The following CROCC variants were observed in gnomAD, a reference collection of about 807,000 sequenced individuals.
CROCC encodes the protein ciliary rootlet coiled-coil, rootletin.
Under a neutral mutation model 245.2 loss-of-function variants are expected in CROCC, and 180 were observed. That is an observed-to-expected ratio of 0.73 (90% CI 0.65 to 0.83). The LOEUF (loss-of-function observed/expected upper bound fraction) is 0.83, where lower values mean the gene tolerates loss of function less well. Ranked by LOEUF, CROCC falls within the 40% of genes least tolerant of loss-of-function variation. The pLI is 0.00. For missense variants in CROCC, 2,688 were observed against 2,779.4 expected (o/e 0.97, Z 0.74); for synonymous variants, 1,205 against 1,241.6 (o/e 0.97, Z 0.62).
At chr1:16,962,534 CAAAAAA>C (rs1197806001) in intron 27 of CROCC, among the ~76,000 whole-genome samples, 1 of 21,882 alleles carries the variant, frequency 4.6e-5, no homozygotes, top group Non-Finnish European at 8.1e-5. Flanking sequence ...GACTCCGTCT[CAAAAAA>C]AAAAAAAAAA....
intron 27 of CROCC, among the ~76,000 whole-genome samples, chr1:16,962,527 T>G (rs1334012696): frequency 1.9e-5 from 2 of 105,654 alleles, no homozygotes; most frequent in Non-Finnish European, 1.8e-5. Flanking sequence ...AGAGCTAGAC[T>G]CCGTCTCAAA....
intron 20 of CROCC, chr1:16,951,835 C>T (rs1274963683): frequency 6.3e-6 from 1 of 157,688 alleles, no homozygotes; most frequent in Admixed American, 6.3e-5. Context: ...GTACCCCTGG[C>T]CTTGGGTGGT....
At position 16,946,986 on chromosome 1, in the gene CROCC, G is replaced by T. The variant is rs927469491; in HGVS notation, c.2509G>T (p.Ala837Ser). Residue 837 changes from alanine to serine, a missense_variant, in exon 17 of 37, where the codon GCG becomes TCG. By Grantham distance (99) the Ala-to-Ser change is moderately conservative. Around this residue, in one of 9 missense-constraint regions of CROCC, gnomAD observed 295 missense variants for 241.7 expected, o/e 1.22. Transcript: ENST00000375541. ...HERSQLQEQL[A>S]QLSRQLSGRE... ...GCGCAGCCAGCTGCAGGAGCAGCTA[G>T]CGCAGGTGGGCAAAGCTGTGTGTGG... is the stretch of plus-strand genomic sequence containing the variant. 6.4e-7 allele frequency: 1 copy of T among 1,550,676 alleles called. No homozygotes were observed.
chr1:16,961,205 G>GTGTTTT lies in CROCC; in HGVS notation c.4405+95_4405+100dup, dbSNP rs995157335. The GTGTTTT allele has an allele frequency of 6.3e-5, 78 of 1,232,792 alleles. No homozygotes were observed. The East Asian group carries it at 7.7e-4, about 12-fold the overall frequency. The allele number at this position is 1,232,792 out of a possible 1,614,324, so 76.4% of individuals were successfully genotyped here. A position where few individuals can be genotyped will look rare whatever the true frequency, so the allele number is the denominator to read the frequency against. On this transcript the variant is annotated intron_variant, in intron 27 of 36. Transcript: ENST00000375541. ...TGAGGCCCCGCCCCCACATGGCAGG[G>GTGTTTT]TGTTTTTGTTTTTGTTTTTGTTTTT...
rs529505433 is a variant in CROCC at position 16,937,815 on chromosome 1, G to A, written c.1290+78G>A. The A allele has an allele frequency of 4.7e-6, 6 of 1,287,688 alleles. No homozygotes were observed. In the South Asian group the frequency reaches 6.3e-5, roughly 14 times the overall value. 79.8% of individuals were successfully genotyped at this position (1,287,688 alleles called of 1,614,324 possible). Reference sequence around the variant, plus strand: ...GATCCATGGACGCAGGCTTAGGGCTGGGCTGCCTGGGTCACCCCCAGCGTC... The same window carrying A: ...GATCCATGGACGCAGGCTTAGGGCTAGGCTGCCTGGGTCACCCCCAGCGTC... On this transcript the variant is annotated intron_variant, in intron 10 of 36. Coordinates refer to ENST00000375541, the MANE Select transcript of CROCC (RefSeq NM_014675.5).
chr1:16,966,717 A>G lies in CROCC; in HGVS notation c.4860+146A>G, dbSNP rs1304268607. ...GACCAGCCTGTGACTCTGTGAAACCATGTTCAGACTCCATCCTCTCATGTC... is the reference window on the plus strand; with the variant it reads ...GACCAGCCTGTGACTCTGTGAAACCGTGTTCAGACTCCATCCTCTCATGTC... On this transcript the variant is annotated intron_variant, in intron 30 of 36. Coordinates refer to ENST00000375541, the MANE Select transcript of CROCC (RefSeq NM_014675.5). This position sits in a 1 kb window ranked among gnomAD's most constrained non-coding sequence, Gnocchi z 4.8. The G allele has an allele frequency of 4.3e-6, 4 of 934,032 alleles. No homozygotes were observed. The highest frequency in any genetic ancestry group is 2.1e-5 in the South Asian group (1 of 46,920). 57.9% of individuals were successfully genotyped at this position (934,032 alleles called of 1,614,324 possible).
At chr1:16,962,257 G>A (rs940251144) in intron 27 of CROCC, among the ~76,000 whole-genome samples, 1 of 151,540 alleles carries the variant, frequency 6.6e-6, no homozygotes, top group African/African-American at 2.4e-5. Context: ...TAGAGACGGG[G>A]TTTCAAGGCT....
chr1:16,936,524 C>G, intron 8 of CROCC, 113 bp from the exon 9 acceptor site: 1 of 1,136,920 alleles, frequency 8.8e-7, no homozygotes. Flanking sequence ...CCGCCTTGGC[C>G]TCCTGAAGTG....
rs1337183345 is a variant in CROCC, at chr1:16,958,696, C to T, written c.3978C>T (p.Gly1326=). Residue 1326 remains glycine, a synonymous_variant, in exon 26 of 37, where the codon GGC becomes GGT. Coordinates refer to ENST00000375541, the MANE Select transcript of CROCC (RefSeq NM_014675.5). ...AEKESRRETL[G]LRQRLLKGEA... ...AGGAGAGCAGGCGGGAGACCCTGGG[C>T]CTCCGGCAGAGGCTGCTGAAGGGCG... 1.3e-6 allele frequency: 2 copies of T among 1,559,656 alleles called. No homozygotes were observed. The highest frequency in any genetic ancestry group is 3.9e-5 in the Admixed American group (2 of 51,878).
At chr1:16,918,773 G>A (rs1201846264), upstream of CROCC, among the ~76,000 whole-genome samples, 1 of 139,666 alleles carries the variant, frequency 7.2e-6, no homozygotes, top group African/African-American at 2.7e-5. Context: ...GTCTCTCTCT[G>A]TCACCCAGGC....
chr1:16,930,678 G>GGA (rs1557586775), intron 7 of CROCC, 84 bp downstream of exon 7: 29 of 1,191,870 alleles, frequency 2.4e-5, no homozygotes, highest in Admixed American at 1.1e-4. Context: ...GCCTGGAGAG[G>GGA]GAGAGGGAGC....
In CROCC at chr1:16,956,149, G is replaced by A. The variant is rs1320777415; in HGVS notation, c.3857G>A (p.Arg1286Gln). The A allele has an allele frequency of 5.8e-6, 9 of 1,542,568 alleles. No individual in the cohort carries two copies. Among genetic ancestry groups the A allele is most frequent in the Non-Finnish European group, 7.9e-6 (9 of 1,142,050 alleles). ...GCTCGGCGGGAGCTGCAGGAGCTCCGGCGTCAGGTACTCTCCCTGTGCCAC... is the reference window on the plus strand; with the variant it reads ...GCTCGGCGGGAGCTGCAGGAGCTCCAGCGTCAGGTACTCTCCCTGTGCCAC... ...LEARRELQEL[R>Q]RQMKMLDSEN... Residue 1286 changes from arginine (R) to glutamine (Q), a missense_variant, in exon 25 of 37, where the codon CGG becomes CAG. This residue lies in a region of CROCC where 1,218 missense variants were observed against 1,286.3 expected (regional missense o/e 0.95). Transcript: ENST00000375541.
At chr1:16,922,435 G>A (rs1328135275) in intron 1 of CROCC, among the ~76,000 whole-genome samples, 7 of 152,274 alleles carry the variant, frequency 4.6e-5, no homozygotes, top group East Asian at 1.9e-4. Flanking sequence ...GGAGTTACCC[G>A]TAGGGTTTGG....
chr1:16,949,202 G>A (rs35953904), intron 19 of CROCC, among the ~76,000 whole-genome samples: 4 of 152,380 alleles, frequency 2.6e-5, no homozygotes, highest in South Asian at 4.1e-4. Context: ...GCCGTGGCAC[G>A]GTGCCTGGCT....
rs768514771 is a variant in CROCC at position 16,969,268 on chromosome 1, C to T, written c.5229C>T (p.Asn1743=). ...TGGCCCAGAGCAGTGCCAGCCTCAA[C>T]AGCACCCGGGACAAGAACCTGCATC... is the stretch of plus-strand genomic sequence containing the variant. ...EALAQSSASL[N]STRDKNLHLQ... The change falls in exon 32 of 37, where the codon AAC becomes AAT. Residue 1743 remains asparagine (N), a synonymous_variant. Transcript: ENST00000375541. 3 of 1,613,256 alleles carry T rather than the reference C, an allele frequency of 1.9e-6. No homozygotes were observed. Among genetic ancestry groups the T allele is most frequent in the African/African-American group, 1.3e-5 (1 of 74,920 alleles).
intron 15 of CROCC, 77 bp from the exon 16 acceptor site, chr1:16,946,182 C>G: frequency 6.7e-7 from 1 of 1,501,894 alleles, no homozygotes; most frequent in Non-Finnish European, 9.0e-7. Context: ...GTCCATCTCT[C>G]TGGGTCTCTT....
chr1:16,918,300 C>CTTTTTTTTTTTTTTTTTT (rs201445636), upstream of CROCC, among the ~76,000 whole-genome samples: 1 of 123,872 alleles, frequency 8.1e-6, no homozygotes. Flanking sequence ...GGAATTCAGT[C>CTTTTTTTTTTTTTTTTTT]TTTTTTTTTT....
intron 17 of CROCC, among the ~76,000 whole-genome samples, 181 bp downstream of exon 17, chr1:16,947,172 T>A (rs181270777): frequency 9.2e-5 from 14 of 152,392 alleles, no homozygotes; most frequent in Admixed American, 4.6e-4. Flanking sequence ...ATACCTCAGT[T>A]GCCCCATCTA....
At chr1:16,918,710 C>T (rs1457731701), upstream of CROCC, among the ~76,000 whole-genome samples, 2 of 151,610 alleles carry the variant, frequency 1.3e-5, no homozygotes, top group African/African-American at 4.8e-5. Context: ...GTAGTGGCAG[C>T]TCTATCTGCT....
Sources: gnomAD v4.1 joint callset for allele counts (sites outside exome capture counted in the v4.1 genomes callset) on GRCh38, gnomAD v4.1.1 for gene constraint, gnomAD v4.1.1 regional missense constraint, Gnocchi (gnomAD v3.1) non-coding constraint, MANE v1.5 for transcripts, NCBI Gene and HGNC (gene_info 2026-07-23, HGNC 2026-07-21) for gene names.